The following KIF20B variants were observed in gnomAD, a reference collection of about 807,000 sequenced individuals.
KIF20B encodes the protein kinesin-like protein KIF20B.
In KIF20B, 188 loss-of-function variants were observed where a neutral mutation model predicts 232.5. That is an observed-to-expected ratio of 0.81 (90% CI 0.72 to 0.91). KIF20B has a LOEUF of 0.91. Ranked by LOEUF, KIF20B falls within the 40% of genes least tolerant of loss-of-function variation. The pLI, the probability that KIF20B is intolerant of heterozygous loss-of-function variation, is 0.00. For synonymous variants in KIF20B, 712 were observed against 683.0 expected, an observed-to-expected ratio of 1.04 and a Z score of -0.66; for missense variants, 2,154 against 2,055.9, an observed-to-expected ratio of 1.05 and a Z score of -0.92.
intron 19 of KIF20B, among the ~76,000 whole-genome samples, chr10:89,735,391 A>G (rs1468439635): frequency 6.6e-6 from 1 of 152,146 alleles, no homozygotes; most frequent in Non-Finnish European, 1.5e-5. Context: ...GGAGCTTAAA[A>G]TCTAGTAGAT....
At chr10:89,752,478 A>G in intron 24 of KIF20B, 89 bp from the exon 25 acceptor site, 1 of 930,342 alleles carries the variant, frequency 1.1e-6, no homozygotes, top group Non-Finnish European at 1.5e-6. Flanking sequence ...GGCTCTACTG[A>G]TTTGTGTCTG....
chr10:89,741,747 T>A (rs1377728091), intron 21 of KIF20B, among the ~76,000 whole-genome samples: 4 of 152,166 alleles, frequency 2.6e-5, no homozygotes, highest in African/African-American at 9.7e-5. Context: ...GAATAAACAG[T>A]TCAATTGCAG....
intron 29 of KIF20B, among the ~76,000 whole-genome samples, chr10:89,764,482 C>T (rs570615578): frequency 1.1e-3 from 160 of 152,278 alleles, no homozygotes; most frequent in African/African-American, 3.6e-3. Flanking sequence ...CTGACTTCCA[C>T]GATGGTTGAA....
At chr10:89,721,148 G>A (rs1269044981) in intron 13 of KIF20B, among the ~76,000 whole-genome samples, 1 of 152,152 alleles carries the variant, frequency 6.6e-6, no homozygotes. Context: ...TACTCTTCTG[G>A]ATTGCAGAAG....
intron 31 of KIF20B, among the ~76,000 whole-genome samples, chr10:89,772,149 T>G (rs548866069): frequency 6.6e-6 from 1 of 152,004 alleles, no homozygotes; most frequent in East Asian, 1.9e-4. Context: ...CTATGTACTA[T>G]GTACATAGTA....
At chr10:89,768,619 T>TAA (rs1298470573) in intron 30 of KIF20B, 119 bp from the exon 31 acceptor site, 1 of 1,008,346 alleles carries the variant, frequency 9.9e-7, no homozygotes, top group Non-Finnish European at 1.4e-6. Context: ...CTTACATACT[T>TAA]AAAGTTTCCT....
chr10:89,722,360 C>A (rs934821256), intron 13 of KIF20B, among the ~76,000 whole-genome samples: 2 of 152,136 alleles, frequency 1.3e-5, no homozygotes, highest in African/African-American at 4.8e-5. Flanking sequence ...AATGATAAAA[C>A]CTAATTATTG....
chr10:89,738,580 G>A lies in KIF20B; in HGVS notation c.3739G>A (p.Glu1247Lys). 1 of 1,462,616 alleles carries A rather than the reference G, an allele frequency of 6.8e-7. No homozygotes were observed. Among genetic ancestry groups the A allele is most frequent in the Non-Finnish European group, 9.2e-7 (1 of 1,091,460 alleles). The allele number at this position is 1,462,616 out of a possible 1,614,324, so 90.6% of individuals were successfully genotyped here. The change falls in exon 20 of 33, where the codon GAA becomes AAA. Residue 1247 changes from glutamate to lysine, a missense_variant. Physicochemically the swap from Glu to Lys is moderately conservative, Grantham distance 56. Coordinates refer to ENST00000371728, the MANE Select transcript of KIF20B (RefSeq NM_001284259.2). ...TATGAAACATTTACTTCAATTAAAA[G>A]AAGAAGAAGAAGAAACCAACAGGCA... The part of the protein sequence containing the change: ...QDMKHLLQLK[E>K]EEEETNRQET...
At chr10:89,754,909 T>C (rs1437889649) in intron 26 of KIF20B, among the ~76,000 whole-genome samples, 1 of 152,246 alleles carries the variant, frequency 6.6e-6, no homozygotes, top group Non-Finnish European at 1.5e-5. Flanking sequence ...TCTTACTGTC[T>C]AGATACTGAA....
At chr10:89,728,945 GTGTA>G (rs878888487) in intron 17 of KIF20B, among the ~76,000 whole-genome samples, 179 bp from the exon 18 acceptor site, 1,529 of 75,496 alleles carry the variant, frequency 0.02, 28 homozygotes, top group East Asian at 0.13. Context: ...GTGTGTGTGT[GTGTA>G]TGTAATTTTT....
chr10:89,727,775 C>T (rs184150739), intron 16 of KIF20B, 81 bp from the exon 17 acceptor site: 2 of 1,195,450 alleles, frequency 1.7e-6, no homozygotes, highest in East Asian at 2.7e-5. Context: ...GTCACTAGAG[C>T]AGCATATGTT....
At chr10:89,713,028 T>C (rs1195306650) in intron 6 of KIF20B, among the ~76,000 whole-genome samples, 2 of 152,110 alleles carry the variant, frequency 1.3e-5, no homozygotes, top group African/African-American at 4.8e-5. Context: ...GATAACTCCA[T>C]AGCCAATTCA....
Position 89,737,602 on chromosome 10 carries a change from C to T in KIF20B, c.2761C>T (p.Leu921Phe). Residue 921 changes from leucine to phenylalanine, a missense_variant, in exon 20 of 33, where the codon CTT becomes TTT. Physicochemically the swap from Leu to Phe is conservative, Grantham distance 22. Transcript: ENST00000371728. Reference sequence around the variant, plus strand: ...TGTTCATTTTCAGCAGGAACTTTCTCTTTCTGAAAAAAAGAATTTAACTTT... The same window carrying T: ...TGTTCATTTTCAGCAGGAACTTTCTTTTTCTGAAAAAAAGAATTTAACTTT... ...QIVHFQQELS[L>F]SEKKNLTLSK... 6.2e-7 allele frequency: 1 copy of T among 1,603,924 alleles called. No homozygotes were observed. The highest frequency in any genetic ancestry group is 8.5e-7 in the Non-Finnish European group (1 of 1,176,484).
At chr10:89,737,324 T>C in intron 19 of KIF20B, 63 bp from the exon 20 acceptor site, 1 of 1,384,764 alleles carries the variant, frequency 7.2e-7, no homozygotes, top group Non-Finnish European at 9.5e-7. Context: ...TATTGGCTTA[T>C]ATGGTGACTT....
chr10:89,711,009 T>C lies in KIF20B; in HGVS notation c.539T>C (p.Phe180Ser). ...CTGCCTCGAACTTTGAATGTATTAT[T>C]TGATAGTCTTCAAGAAAGACTGTAT... is the stretch of plus-strand genomic sequence containing the variant. ...GILPRTLNVL[F>S]DSLQERLYTK... is the part of the protein sequence containing the mutation. The change falls in exon 6 of 33, where the codon TTT becomes TCT. Residue 180 changes from phenylalanine (F) to serine (S), a missense_variant. Transcript: ENST00000371728. 1 of 1,608,804 alleles carries C rather than the reference T, an allele frequency of 6.2e-7. No homozygotes were observed. The highest frequency in any genetic ancestry group is 8.5e-7 in the Non-Finnish European group (1 of 1,178,354).
At chr10:89,722,888 A>G (rs1244695752) in intron 13 of KIF20B, among the ~76,000 whole-genome samples, 2 of 152,170 alleles carry the variant, frequency 1.3e-5, no homozygotes, top group African/African-American at 4.8e-5. Flanking sequence ...ATTATATATT[A>G]CTGTTTTGTA....
At position 89,716,517 on chromosome 10, in the gene KIF20B, TCA is replaced by T; in HGVS notation, c.1025_1026del (p.Thr342LysfsTer4). Reference sequence around the variant, plus strand: ...GGAATAAAGCACCAGAGTGTTGCCTTCACAAAATTGAATAATGCTTCCAGTAG... The same window carrying T: ...GGAATAAAGCACCAGAGTGTTGCCTTCAAAATTGAATAATGCTTCCAGTAG... On this transcript the variant is annotated frameshift_variant, in exon 9 of 33. Transcript: ENST00000371728. LOFTEE classifies it high-confidence loss of function. 6.3e-7 allele frequency: 1 copy of T among 1,582,528 alleles called. No individual in the cohort carries two copies.
chr10:89,759,616 A>G lies in KIF20B; in HGVS notation c.4680+734A>G, dbSNP rs75533289. ...TATATCCTAGAAAGTCAGAAAAACT[A>G]GGTATCAACTGCTGTCGCTGTGGTT... is the stretch of plus-strand genomic sequence containing the variant. On this transcript the variant is annotated intron_variant, in intron 27 of 32. Coordinates refer to ENST00000371728, the MANE Select transcript of KIF20B (RefSeq NM_001284259.2). 3.7e-3 allele frequency among the ~76,000 whole-genome samples: 559 copies of G among 152,276 alleles called. 4 individuals are homozygous for G. Among genetic ancestry groups the G allele is most frequent in the African/African-American group, 0.013 (529 of 41,562 alleles).
At position 89,739,116 on chromosome 10, in the gene KIF20B, A is replaced by T; in HGVS notation, c.3915+20A>T. 6.2e-7 allele frequency: 1 copy of T among 1,608,560 alleles called. No homozygotes were observed. The highest frequency in any genetic ancestry group is 8.5e-7 in the Non-Finnish European group (1 of 1,178,076). On this transcript the variant is annotated intron_variant, in intron 21 of 32. Coordinates refer to ENST00000371728, the MANE Select transcript of KIF20B (RefSeq NM_001284259.2). ...AAAGAGGTAGGTTATTTGAAAAGTTATGTGGCCAGTTTATGATAAAGATTG... is the reference window on the plus strand; with the variant it reads ...AAAGAGGTAGGTTATTTGAAAAGTTTTGTGGCCAGTTTATGATAAAGATTG...
Sources: gnomAD v4.1 joint callset for allele counts (sites outside exome capture counted in the v4.1 genomes callset) on GRCh38, gnomAD v4.1.1 for gene constraint, MANE v1.5 for transcripts, NCBI Gene and HGNC (gene_info 2026-07-23, HGNC 2026-07-21) for gene names.